Variants in WHRN observed in about 807,000 individuals in gnomAD.
WHRN encodes CASK-interacting protein CIP98.
WHRN carries 41 observed loss-of-function variants against 68.3 expected under a neutral mutation model. The observed-to-expected ratio is 0.60, with a 90% CI of 0.47 to 0.78. WHRN has a LOEUF of 0.78. WHRN is among the 30% of genes least tolerant of loss of function. The pLI, the probability that WHRN is intolerant of heterozygous loss-of-function variation, is 0.00. For missense variants in WHRN, 1,243 were observed against 1,244.7 expected, an observed-to-expected ratio of 1.00 and a Z score of 0.02; for synonymous variants, 560 against 561.3, an observed-to-expected ratio of 1.00 and a Z score of 0.03.
chr9:114,468,317 C>T (rs1232605343), intron 2 of WHRN, among the ~76,000 whole-genome samples: 1 of 152,164 alleles, frequency 6.6e-6, no homozygotes, highest in Non-Finnish European at 1.5e-5. Flanking sequence ...GTTGGGAAAC[C>T]TGACAATGTC....
chr9:114,501,139 G>A (rs1843885987), intron 1 of WHRN, among the ~76,000 whole-genome samples: 1 of 152,194 alleles, frequency 6.6e-6, no homozygotes, highest in Non-Finnish European at 1.5e-5. Context: ...GTATGCAGCA[G>A]GGCCTAAGGC....
chr9:114,425,170 G>A (rs1244221842), intron 4 of WHRN, 146 bp from the exon 5 acceptor site: 3 of 819,910 alleles, frequency 3.7e-6, no homozygotes, highest in Middle Eastern at 2.5e-4. Context: ...TTCAGTCTGG[G>A]GGCTACTCAG....
intron 2 of WHRN, among the ~76,000 whole-genome samples, chr9:114,471,414 A>G (rs888689176): frequency 6.6e-6 from 1 of 152,196 alleles, no homozygotes; most frequent in Non-Finnish European, 1.5e-5. Context: ...TCACATACCC[A>G]GCCACTTGGC....
At chr9:114,465,778 A>C (rs953107914) in intron 3 of WHRN, among the ~76,000 whole-genome samples, 9 of 152,182 alleles carry the variant, frequency 5.9e-5, no homozygotes, top group African/African-American at 2.2e-4. Context: ...GTGGGTAGTA[A>C]TACCCTACCC....
At chr9:114,492,269 G>A (rs1158906773) in intron 1 of WHRN, among the ~76,000 whole-genome samples, 1 of 152,124 alleles carries the variant, frequency 6.6e-6, no homozygotes, top group Non-Finnish European at 1.5e-5. Flanking sequence ...CCGAGCCAAT[G>A]CCACCTCTAG....
In WHRN at chr9:114,440,272, G is replaced by T. The variant is rs568061182; in HGVS notation, c.964-13859C>A. ...TTTTTTTTTGAGATGGAGTCTCACA[G>T]TGTTGCCCAGGCTCAGTGCAGCGAT... On this transcript the variant is annotated intron_variant, in intron 3 of 11. Transcript: ENST00000362057. 3.3e-5 allele frequency among the ~76,000 whole-genome samples: 5 copies of T among 152,014 alleles called. No individual in the cohort carries two copies. In the East Asian group the frequency reaches 9.7e-4, roughly 30 times the overall value.
chr9:114,464,683 C>T (rs1840511804), intron 3 of WHRN, among the ~76,000 whole-genome samples: 1 of 152,010 alleles, frequency 6.6e-6, no homozygotes, highest in Non-Finnish European at 1.5e-5. Flanking sequence ...TTTGCAATAA[C>T]CCTGAGAAAG....
At chr9:114,454,851 T>C (rs1839638963) in intron 3 of WHRN, among the ~76,000 whole-genome samples, 1 of 152,162 alleles carries the variant, frequency 6.6e-6, no homozygotes, top group Non-Finnish European at 1.5e-5. Context: ...GCAGTGTTAA[T>C]GAAAGGCTGG....
intron 3 of WHRN, among the ~76,000 whole-genome samples, chr9:114,461,732 T>C (rs1176393657): frequency 6.6e-6 from 1 of 152,252 alleles, no homozygotes; most frequent in Non-Finnish European, 1.5e-5. Context: ...ACCGAAATGC[T>C]TCCTCCTCCA....
intron 7 of WHRN, among the ~76,000 whole-genome samples, chr9:114,421,395 C>A (rs897448552): frequency 2.0e-5 from 3 of 152,218 alleles, no homozygotes; most frequent in Non-Finnish European, 4.4e-5. Context: ...CCTGGCACTC[C>A]AGCCTGATTT....
chr9:114,407,171 G>A lies in WHRN; in HGVS notation c.1699-279C>T, dbSNP rs528537073. On this transcript the variant is annotated intron_variant, in intron 8 of 11. Coordinates refer to ENST00000362057, the MANE Select transcript of WHRN (RefSeq NM_015404.4). ...GGCATCAGCCAGAGCTTGTCACAGG[G>A]AACAAGACTTCATTAGAGACACGAT... 2.2e-3 allele frequency among the ~76,000 whole-genome samples: 340 copies of A among 152,312 alleles called. 1 individual carries two copies. Among genetic ancestry groups the A allele is most frequent in the South Asian group, 6.0e-3 (29 of 4,830 alleles).
At chr9:114,422,981 T>A (rs773103907) in intron 7 of WHRN, among the ~76,000 whole-genome samples, 49 of 152,088 alleles carry the variant, frequency 3.2e-4, no homozygotes, top group Admixed American at 1.3e-4. Flanking sequence ...CCAGAGGCAT[T>A]CCCAAGGATT....
At chr9:114,490,142 T>C (rs1053995282) in intron 1 of WHRN, among the ~76,000 whole-genome samples, 1 of 152,182 alleles carries the variant, frequency 6.6e-6, no homozygotes, top group Non-Finnish European at 1.5e-5. Flanking sequence ...CTCGCTTCCT[T>C]GCGCTGCTGC....
At chr9:114,477,201 A>G (rs1253465336) in intron 2 of WHRN, among the ~76,000 whole-genome samples, 1 of 152,238 alleles carries the variant, frequency 6.6e-6, no homozygotes, top group Non-Finnish European at 1.5e-5. Flanking sequence ...AACACAAAAC[A>G]CATTAAATAA....
At chr9:114,443,318 G>A (rs6478082) in intron 3 of WHRN, among the ~76,000 whole-genome samples, 151,737 of 152,366 alleles carry the variant, frequency 1, 75,558 homozygotes, top group Middle Eastern at 1. Flanking sequence ...TCTAACATAG[G>A]TCTCACTGGG....
intron 3 of WHRN, among the ~76,000 whole-genome samples, chr9:114,444,338 C>T (rs74368475): frequency 0.088 from 13,413 of 152,038 alleles, 786 homozygotes; most frequent in Middle Eastern, 0.14. Context: ...ATTTGAACCC[C>T]CTCCAAAAAG....
chr9:114,403,364 C>T, intron 10 of WHRN, 25 bp from the exon 11 acceptor site: 1 of 1,613,644 alleles, frequency 6.2e-7, no homozygotes, highest in African/African-American at 1.3e-5. Context: ...AAGGACACCA[C>T]TGAGGCCTTC....
intron 1 of WHRN, chr9:114,503,185 C>T (rs1844081666): frequency 8.1e-6 from 8 of 985,560 alleles, no homozygotes; most frequent in Non-Finnish European, 9.6e-6. Context: ...CAGCAGCCAG[C>T]AGGCCCTCAG....
At chr9:114,437,101 C>T (rs1837926871) in intron 3 of WHRN, among the ~76,000 whole-genome samples, 1 of 152,064 alleles carries the variant, frequency 6.6e-6, no homozygotes, top group Non-Finnish European at 1.5e-5. Context: ...GTGAAACAGA[C>T]TAGAAATAGG....
Sources: gnomAD v4.1 joint callset for allele counts (sites outside exome capture counted in the v4.1 genomes callset) on GRCh38, gnomAD v4.1.1 for gene constraint, MANE v1.5 for transcripts, NCBI Gene and HGNC (gene_info 2026-07-23, HGNC 2026-07-21) for gene names.